Variants in TRPC5 observed in about 807,000 individuals in gnomAD.
TRPC5 encodes transient receptor potential cation channel subfamily C member 5, also known as short transient receptor potential channel 5.
In TRPC5, 9 loss-of-function variants were observed where a neutral mutation model predicts 56.5. The ratio of observed to expected loss-of-function variants is 0.16; its 90% CI spans 0.10 to 0.28. The LOEUF is 0.28. Ranked by LOEUF, TRPC5 falls within the 10% of genes least tolerant of loss-of-function variation. TRPC5 has a pLI of 1.00. For missense variants in TRPC5, 469 were observed against 748.9 expected, an observed-to-expected ratio of 0.63 and a Z score of 4.36; for synonymous variants, 282 against 278.5, an observed-to-expected ratio of 1.01 and a Z score of -0.13.
intron 7 of TRPC5, among the ~76,000 whole-genome samples, chrX:111,821,227 C>T (rs1922019371): frequency 9.0e-6 from 1 of 111,496 alleles, no homozygotes; most frequent in Non-Finnish European, 1.9e-5. Flanking sequence ...GATTAGCTCA[C>T]AATTTTATGG....
chrX:111,916,145 A>G (rs1050648834), intron 2 of TRPC5, among the ~76,000 whole-genome samples: 2 of 110,963 alleles, frequency 1.8e-5, no homozygotes, highest in African/African-American at 6.6e-5. Flanking sequence ...AAAAGTAAAG[A>G]AAAGAAAAGA....
At chrX:111,940,375 C>G (rs191366595) in intron 2 of TRPC5, among the ~76,000 whole-genome samples, 1 of 111,761 alleles carries the variant, frequency 8.9e-6, no homozygotes, top group East Asian at 2.8e-4. Context: ...CATGAAGTCA[C>G]GCACCCTGAC....
At chrX:111,812,860 T>C (rs1351955007) in intron 7 of TRPC5, among the ~76,000 whole-genome samples, 2 of 112,642 alleles carry the variant, frequency 1.8e-5, no homozygotes, top group African/African-American at 3.2e-5. Flanking sequence ...ACTTGGTATA[T>C]AGAAATCTGT....
In TRPC5 at chrX:111,917,177, A is replaced by T. The variant is rs762866065; in HGVS notation, c.379-4365T>A. On this transcript the variant is annotated intron_variant, in intron 2 of 10. Coordinates refer to ENST00000262839, the MANE Select transcript of TRPC5 (RefSeq NM_012471.3). The stretch of plus-strand genomic sequence containing the variant: ...GTTTGCCAGTTTTTGTGGTGTAAAT[A>T]CTCCCACTGTGGCCAGTTTCATGCT... Among the ~76,000 whole-genome samples the T allele has an allele frequency of 6.3e-5, 7 of 111,543 alleles. No homozygotes were observed. The East Asian group carries it at 8.5e-4, about 14-fold the overall frequency.
At chrX:111,923,531 T>C (rs1268493485) in intron 2 of TRPC5, among the ~76,000 whole-genome samples, 1 of 111,965 alleles carries the variant, frequency 8.9e-6, no homozygotes, top group African/African-American at 3.3e-5. Flanking sequence ...ATTTTCTTCA[T>C]AAAATATGGG....
At chrX:111,929,465 C>T (rs1926348972) in intron 2 of TRPC5, among the ~76,000 whole-genome samples, 1 of 112,447 alleles carries the variant, frequency 8.9e-6, no homozygotes, top group South Asian at 3.7e-4. Context: ...GACTAGATTG[C>T]CACTATATTT....
intron 1 of TRPC5, among the ~76,000 whole-genome samples, chrX:111,977,006 AATGAG>A (rs1360770702): frequency 8.9e-6 from 1 of 111,775 alleles, no homozygotes; most frequent in Non-Finnish European, 1.9e-5. Flanking sequence ...GACACAAATA[AATGAG>A]ATGAGATCCC....
intron 1 of TRPC5, among the ~76,000 whole-genome samples, chrX:111,953,861 A>G (rs1448839118): frequency 8.9e-6 from 1 of 112,075 alleles, no homozygotes; most frequent in Non-Finnish European, 1.9e-5. Context: ...TCTTTCTGGG[A>G]AGTTAGTATT....
intron 1 of TRPC5, among the ~76,000 whole-genome samples, chrX:111,979,844 A>G (rs891589173): frequency 1.8e-5 from 2 of 111,846 alleles, no homozygotes; most frequent in Admixed American, 9.5e-5. Context: ...GAGAATGTGA[A>G]GGAGCTAGAA....
intron 1 of TRPC5, among the ~76,000 whole-genome samples, chrX:112,023,728 C>T (rs1425818491): frequency 9.0e-6 from 1 of 111,715 alleles, no homozygotes; most frequent in African/African-American, 3.3e-5. Flanking sequence ...ATTTTCCTGA[C>T]ATGTTCCTAT....
At chrX:112,056,009 T>G in intron 1 of TRPC5, among the ~76,000 whole-genome samples, 1 of 111,332 alleles carries the variant, frequency 9.0e-6, no homozygotes, top group Middle Eastern at 4.7e-3. Context: ...AGCATCAAGA[T>G]AGGGTGAAGT....
chrX:112,069,632 A>G (rs1930667571), intron 1 of TRPC5, among the ~76,000 whole-genome samples: 1 of 112,098 alleles, frequency 8.9e-6, no homozygotes, highest in African/African-American at 3.2e-5. Flanking sequence ...CTTCCTTGCC[A>G]TCTCAACTTC....
Position 112,080,943 on chromosome X carries a change from T to A in TRPC5, c.-22+936A>T, listed in dbSNP as rs72619726. ...TGAAGCCAAGGGTTAACATGCACAA[T>A]CTCTAAAAAGAGCATTATCAATTAG... is the stretch of plus-strand genomic sequence containing the variant. On this transcript the variant is annotated intron_variant, in intron 1 of 10. Coordinates refer to ENST00000262839, the MANE Select transcript of TRPC5 (RefSeq NM_012471.3). 1.4e-4 allele frequency among the ~76,000 whole-genome samples: 16 copies of A among 112,485 alleles called. No homozygotes were observed. The East Asian group carries it at 2.2e-3, about 16-fold the overall frequency.
At chrX:111,827,670 A>T (rs778736873) in intron 7 of TRPC5, among the ~76,000 whole-genome samples, 2 of 112,070 alleles carry the variant, frequency 1.8e-5, no homozygotes, top group Non-Finnish European at 3.8e-5. Context: ...CAACCTGGCC[A>T]AAACCACCAT....
chrX:112,006,130 G>A (rs1928837429), intron 1 of TRPC5, among the ~76,000 whole-genome samples: 1 of 111,461 alleles, frequency 9.0e-6, no homozygotes, highest in African/African-American at 3.3e-5. Context: ...AGAGCAAAAA[G>A]AGGGAGGTGG....
At chrX:111,905,914 C>CAAAAAAAAAAAAAAAAAAAAA (rs1202912083) in intron 3 of TRPC5, among the ~76,000 whole-genome samples, 2 of 37,015 alleles carry the variant, frequency 5.4e-5, no homozygotes, top group African/African-American at 2.3e-4. Flanking sequence ...GTCTCTGTCT[C>CAAAAAAAAAAAAAAAAAAAAA]AAAAAAAAAA....
Position 111,870,624 on chromosome X carries a change from G to A in TRPC5, c.901-16518C>T, listed in dbSNP as rs772703935. ...ATTGCCTCCCATCAGTGCATGTCAGGTTTTGCTGCCATATGAGAGGTTTGA... is the reference window on the plus strand; with the variant it reads ...ATTGCCTCCCATCAGTGCATGTCAGATTTTGCTGCCATATGAGAGGTTTGA... On this transcript the variant is annotated intron_variant, in intron 3 of 10. Coordinates refer to ENST00000262839, the MANE Select transcript of TRPC5 (RefSeq NM_012471.3). Among the ~76,000 whole-genome samples, 4 of 111,339 alleles carry A rather than the reference G, an allele frequency of 3.6e-5. 1 individual carries two copies. The South Asian group carries it at 1.5e-3, about 43-fold the overall frequency.
intron 1 of TRPC5, among the ~76,000 whole-genome samples, chrX:111,995,967 G>A (rs1305509677): frequency 1.9e-5 from 2 of 103,973 alleles, no homozygotes; most frequent in East Asian, 3.0e-4. Flanking sequence ...TTTTTTTTTT[G>A]TGTGTCTCTA....
intron 3 of TRPC5, among the ~76,000 whole-genome samples, chrX:111,883,472 A>C (rs1924327664): frequency 8.9e-6 from 1 of 112,443 alleles, no homozygotes. Context: ...GACTGAGTCA[A>C]AGCCTTAGCC....
Sources: gnomAD v4.1 joint callset for allele counts (sites outside exome capture counted in the v4.1 genomes callset) on GRCh38, gnomAD v4.1.1 for gene constraint, MANE v1.5 for transcripts, NCBI Gene and HGNC (gene_info 2026-07-23, HGNC 2026-07-21) for gene names.